Variants in LINGO2 observed in about 807,000 individuals in gnomAD.
LINGO2 encodes leucine-rich repeat and immunoglobulin-like domain-containing nogo receptor-interacting protein 2.
A neutral mutation model predicts 30.6 loss-of-function variants in LINGO2; 14 were observed. That is an observed-to-expected ratio of 0.46 (90% CI 0.30 to 0.72). The LOEUF (loss-of-function observed/expected upper bound fraction) is 0.72. Ranked by LOEUF, LINGO2 falls within the 30% of genes least tolerant of loss-of-function variation. The probability of loss-of-function intolerance (pLI) is 0.07; values close to 1 mark genes in which losing one functional copy is unlikely to be tolerated. For synonymous variants in LINGO2, 317 were observed against 288.5 expected, an observed-to-expected ratio of 1.10 and a Z score of -1.00; for missense variants, 729 against 751.7, an observed-to-expected ratio of 0.97 and a Z score of 0.35.
chr9:28,311,386 G>A (rs1275177054), intron 3 of LINGO2, among the ~76,000 whole-genome samples: 2 of 152,088 alleles, frequency 1.3e-5, no homozygotes, highest in Non-Finnish European at 2.9e-5. Context: ...CAACCAGTCT[G>A]ACCAAAATTT....
intron 4 of LINGO2, among the ~76,000 whole-genome samples, chr9:28,060,344 A>G (rs1352397081): frequency 1.8e-5 from 2 of 110,112 alleles, no homozygotes; most frequent in Non-Finnish European, 3.9e-5. Flanking sequence ...CAGAAAACAT[A>G]TATTAAGCCC....
chr9:29,113,592 T>C, the LINGO2 span, among the ~76,000 whole-genome samples: 10 of 152,300 alleles, frequency 6.6e-5, no homozygotes, highest in Admixed American at 3.3e-4. Flanking sequence ...AGAAGTAACA[T>C]TGAGCAATCT....
At chr9:28,342,621 T>C (rs139875995) in intron 3 of LINGO2, among the ~76,000 whole-genome samples, 424 of 152,084 alleles carry the variant, frequency 2.8e-3, no homozygotes, top group African/African-American at 9.8e-3. Flanking sequence ...ATCTTAGAGG[T>C]TTTTCCATCA....
chr9:28,933,941 A>G, the LINGO2 span, among the ~76,000 whole-genome samples: 1 of 152,176 alleles, frequency 6.6e-6, no homozygotes, highest in African/African-American at 2.4e-5. Flanking sequence ...GCAATGATCT[A>G]TTCCTAAAAT....
chr9:28,195,261 GA>G (rs1425941084), intron 4 of LINGO2, among the ~76,000 whole-genome samples: 9 of 151,626 alleles, frequency 5.9e-5, no homozygotes, highest in Non-Finnish European at 1.2e-4. Flanking sequence ...TTATTAATTA[GA>G]CCTACCTGAA....
the LINGO2 span, among the ~76,000 whole-genome samples, chr9:28,698,981 G>A: frequency 6.6e-6 from 1 of 151,940 alleles, no homozygotes; most frequent in African/African-American, 2.4e-5. Context: ...GTTTGAGGCT[G>A]TAGTGAGCTA....
At chr9:28,142,422 T>G (rs928954424) in intron 4 of LINGO2, among the ~76,000 whole-genome samples, 1 of 152,166 alleles carries the variant, frequency 6.6e-6, no homozygotes, top group African/African-American at 2.4e-5. Flanking sequence ...TGGGTAAGAT[T>G]CTGATGTCAC....
At chr9:28,934,144 G>C in the LINGO2 span, among the ~76,000 whole-genome samples, 4 of 152,138 alleles carry the variant, frequency 2.6e-5, no homozygotes, top group Non-Finnish European at 4.4e-5. Flanking sequence ...ATACATAGCT[G>C]AACTTGAGTA....
intron 4 of LINGO2, among the ~76,000 whole-genome samples, chr9:28,070,790 G>A (rs962171777): frequency 2.0e-5 from 3 of 152,114 alleles, no homozygotes; most frequent in African/African-American, 7.2e-5. Context: ...CAGGTTCGCT[G>A]TAACTTTGAA....
downstream of LINGO2, chr9:27,944,359 C>G (rs1823283314): frequency 6.6e-6 from 1 of 152,078 alleles, no homozygotes; most frequent in African/African-American, 2.4e-5. Flanking sequence ...ATCCTGTACA[C>G]CTATGTTGTA....
the LINGO2 span, among the ~76,000 whole-genome samples, chr9:29,095,369 T>G: frequency 1.5e-5 from 2 of 137,694 alleles, no homozygotes; most frequent in South Asian, 2.3e-4. Context: ...AAGTCAAAAT[T>G]TAAGTGTATT....
At chr9:28,074,803 T>C (rs1240432212) in intron 4 of LINGO2, among the ~76,000 whole-genome samples, 1 of 152,102 alleles carries the variant, frequency 6.6e-6, no homozygotes, top group Non-Finnish European at 1.5e-5. Context: ...AAAGAAGATT[T>C]ATAATGCATT....
intron 1 of LINGO2, among the ~76,000 whole-genome samples, chr9:28,619,320 T>G (rs761938117): frequency 9.2e-5 from 14 of 152,016 alleles, no homozygotes; most frequent in African/African-American, 3.4e-4. Flanking sequence ...AACCTGAAAA[T>G]TATAAACTAG....
the LINGO2 span, among the ~76,000 whole-genome samples, chr9:28,902,507 G>A: frequency 2.6e-5 from 4 of 152,192 alleles, no homozygotes; most frequent in East Asian, 5.8e-4. Context: ...GGAAACATCA[G>A]GCTTAATCTG....
chr9:28,261,311 G>C (rs1822556646), intron 4 of LINGO2, among the ~76,000 whole-genome samples: 1 of 151,894 alleles, frequency 6.6e-6, no homozygotes, highest in Admixed American at 6.6e-5. Flanking sequence ...ATAAATCCCA[G>C]CTTACTCTTT....
intron 1 of LINGO2, among the ~76,000 whole-genome samples, chr9:28,494,375 AC>A (rs1334986565): frequency 2.0e-5 from 3 of 150,968 alleles, no homozygotes; most frequent in African/African-American, 7.3e-5. Context: ...CCTTCCCCCC[AC>A]CCCACTACAG....
At chr9:29,167,034 T>C in the LINGO2 span, among the ~76,000 whole-genome samples, 2 of 152,148 alleles carry the variant, frequency 1.3e-5, no homozygotes, top group African/African-American at 4.8e-5. Flanking sequence ...AACTAATTGC[T>C]TGATTCCTTG....
the LINGO2 span, among the ~76,000 whole-genome samples, chr9:29,002,820 T>C: frequency 1.3e-5 from 2 of 151,922 alleles, no homozygotes; most frequent in Non-Finnish European, 2.9e-5. Context: ...CTTTACCTGC[T>C]AGTTTGGCAC....
chr9:29,154,436 T>G, the LINGO2 span, among the ~76,000 whole-genome samples: 8 of 124,680 alleles, frequency 6.4e-5, no homozygotes, highest in Admixed American at 2.9e-4. Context: ...GGCGACAGAG[T>G]GCGACTCCGT....
Sources: gnomAD v4.1 joint callset for allele counts (sites outside exome capture counted in the v4.1 genomes callset) on GRCh38, gnomAD v4.1.1 for gene constraint, MANE v1.5 for transcripts, NCBI Gene and HGNC (gene_info 2026-07-23, HGNC 2026-07-21) for gene names.